Variants in DHRSX observed in about 807,000 individuals in gnomAD.
DHRSX encodes dehydrogenase/reductase X-linked, also known as polyprenol dehydrogenase.
A neutral mutation model predicts 34.0 loss-of-function variants in DHRSX; 31 were observed. The ratio of observed to expected loss-of-function variants is 0.91; its 90% CI spans 0.69 to 1.23. The LOEUF (loss-of-function observed/expected upper bound fraction) is 1.23. Among genes scored for constraint, DHRSX ranks in the 50% most tolerant of loss-of-function variants. The probability of loss-of-function intolerance (pLI) is 0.00; values close to 1 mark genes in which losing one functional copy is unlikely to be tolerated. For synonymous variants in DHRSX, 201 were observed against 183.8 expected (o/e 1.09, Z -0.76); for missense variants, 414 against 428.1 (o/e 0.97, Z 0.29).
At chrX:2,485,755 G>C in intron 1 of DHRSX, among the ~76,000 whole-genome samples, 1 of 57,526 alleles carries the variant, frequency 1.7e-5, no homozygotes, top group African/African-American at 8.1e-5. Flanking sequence ...GGGAGGGAAG[G>C]AAGGGAGAGA....
chrX:2,431,291 C>G (rs1244454248), intron 1 of DHRSX, among the ~76,000 whole-genome samples: 1 of 150,394 alleles, frequency 6.6e-6, no homozygotes, highest in East Asian at 2.0e-4. Flanking sequence ...TGCCACTGCA[C>G]TCCAGCCTGG....
intron 1 of DHRSX, among the ~76,000 whole-genome samples, chrX:2,484,494 G>C (rs1383757156): frequency 6.6e-6 from 1 of 152,162 alleles, no homozygotes; most frequent in Non-Finnish European, 1.5e-5. Flanking sequence ...CTTCCCAGAA[G>C]TTGCTCAGAA....
chrX:2,426,156 T>C (rs765270535), intron 1 of DHRSX, among the ~76,000 whole-genome samples: 40 of 152,170 alleles, frequency 2.6e-4, no homozygotes, highest in African/African-American at 9.2e-4. Flanking sequence ...GTCTCTAGGG[T>C]TGACAAGGCC....
At chrX:2,229,707 G>C (rs1439097091) in intron 6 of DHRSX, among the ~76,000 whole-genome samples, 2 of 152,006 alleles carry the variant, frequency 1.3e-5, no homozygotes, top group Admixed American at 1.3e-4. Context: ...ACACGTTAAT[G>C]GGTACGTGTG....
chrX:2,347,344 C>T (rs1489375700), intron 3 of DHRSX, among the ~76,000 whole-genome samples: 1 of 152,156 alleles, frequency 6.6e-6, no homozygotes, highest in African/African-American at 2.4e-5. Context: ...CAAAGACCTG[C>T]CCCCATGATT....
chrX:2,261,303 CTT>C, intron 5 of DHRSX: 1 of 152,218 alleles, frequency 6.6e-6, no homozygotes, highest in South Asian at 2.1e-4. Context: ...TAAAAACTCT[CTT>C]GTTAATTGCA....
rs147783019 is a variant in DHRSX at position 2,319,180 on chromosome X, C to G, written c.287-27577G>C. ...CAGATTCACCCATTTGGACTTTCAC[C>G]CGAGATGACTCCTCCTCCCTCTTCG... On this transcript the variant is annotated intron_variant, in intron 3 of 6. Transcript: ENST00000334651. Among the ~76,000 whole-genome samples, 126 of 151,842 alleles carry G rather than the reference C, an allele frequency of 8.3e-4. 1 individual carries two copies. The East Asian group carries it at 0.02, about 24-fold the overall frequency.
chrX:2,227,369 G>A (rs2015693422), intron 6 of DHRSX, among the ~76,000 whole-genome samples: 1 of 151,196 alleles, frequency 6.6e-6, no homozygotes, highest in African/African-American at 2.4e-5. Context: ...AAGAAGAAAG[G>A]AGGAAATAGA....
chrX:2,221,679 C>T (rs781293054), intron 6 of DHRSX, among the ~76,000 whole-genome samples: 6 of 152,188 alleles, frequency 3.9e-5, no homozygotes, highest in East Asian at 1.9e-4. Flanking sequence ...CATGCTACAT[C>T]GGAGAATTGA....
intron 6 of DHRSX, among the ~76,000 whole-genome samples, chrX:2,226,015 C>T (rs1261225636): frequency 1.1e-4 from 17 of 152,070 alleles, no homozygotes; most frequent in Admixed American, 9.8e-4. Context: ...AGGAGAGAGG[C>T]CTCGGGAGGA....
chrX:2,481,392 G>C (rs377408731), intron 1 of DHRSX, among the ~76,000 whole-genome samples: 3 of 152,080 alleles, frequency 2.0e-5, no homozygotes, highest in African/African-American at 7.2e-5. Context: ...TGGGCTGGTC[G>C]CGGTGGCTCA....
In DHRSX at chrX:2,298,614, A is replaced by ACACACACACACACACACACACACACG. The variant is rs1556457243; in HGVS notation, c.287-7012_287-7011insCGTGTGTGTGTGTGTGTGTGTGTGTG. Among the ~76,000 whole-genome samples, 37 of 83,006 alleles carry ACACACACACACACACACACACACACG rather than the reference A, an allele frequency of 4.5e-4. 1 individual carries two copies. The highest frequency in any genetic ancestry group is 1.3e-3 in the African/African-American group (31 of 24,468). 54.5% of individuals were successfully genotyped at this position (83,006 alleles called of 152,430 possible). A position where few individuals can be genotyped will look rare whatever the true frequency, so the allele number is the denominator to read the frequency against. ...CAGGCGCGTGTGTACACACACACAC[A>ACACACACACACACACACACACACACG]CACACACACACACACACACACACGA... On this transcript the variant is annotated intron_variant, in intron 3 of 6. Coordinates refer to ENST00000334651, the MANE Select transcript of DHRSX (RefSeq NM_145177.3).
chrX:2,249,372 G>C (rs868791519), intron 5 of DHRSX, among the ~76,000 whole-genome samples: 2 of 102,568 alleles, frequency 1.9e-5, no homozygotes, highest in Admixed American at 1.0e-4. Flanking sequence ...TTTTTTTTTT[G>C]TATTTTTAGT....
chrX:2,363,042 TGCC>T (rs1305019850), intron 3 of DHRSX, among the ~76,000 whole-genome samples: 2 of 133,912 alleles, frequency 1.5e-5, no homozygotes, highest in Non-Finnish European at 3.3e-5. Flanking sequence ...TATGGTATCA[TGCC>T]GCCATTTTAT....
intron 3 of DHRSX, among the ~76,000 whole-genome samples, chrX:2,303,425 T>C (rs1460083103): frequency 2.6e-5 from 4 of 152,050 alleles, no homozygotes; most frequent in Non-Finnish European, 4.4e-5. Context: ...CAAGATCTGG[T>C]TGTTTAAAAG....
chrX:2,416,032 T>G (rs1357126716), intron 2 of DHRSX, among the ~76,000 whole-genome samples: 1 of 150,732 alleles, frequency 6.6e-6, no homozygotes, highest in African/African-American at 2.4e-5. Flanking sequence ...CTAATACAAT[T>G]AGTTCTCCTC....
intron 3 of DHRSX, among the ~76,000 whole-genome samples, chrX:2,324,245 T>C (rs1391571442): frequency 6.6e-6 from 1 of 152,088 alleles, no homozygotes; most frequent in African/African-American, 2.4e-5. Context: ...TGAGGACGCA[T>C]GCATGTGGAA....
intron 1 of DHRSX, among the ~76,000 whole-genome samples, chrX:2,474,564 C>A (rs976869019): frequency 6.6e-6 from 1 of 151,578 alleles, no homozygotes; most frequent in Non-Finnish European, 1.5e-5. Context: ...CAAGGGACTG[C>A]CACGCTGTGC....
At chrX:2,354,459 A>G (rs1304893980) in intron 3 of DHRSX, among the ~76,000 whole-genome samples, 1 of 152,016 alleles carries the variant, frequency 6.6e-6, no homozygotes, top group African/African-American at 2.4e-5. Flanking sequence ...CTGCCCATCC[A>G]TCTTTTTTGT....
Sources: allele counts gnomAD v4.1 joint callset (sites outside exome capture counted in the v4.1 genomes callset), GRCh38; gene constraint gnomAD v4.1.1; transcripts MANE v1.5; gene names NCBI Gene and HGNC (gene_info 2026-07-23, HGNC 2026-07-21).